The following ABCA12 variants were observed in gnomAD, a reference collection of about 807,000 sequenced individuals.
The protein encoded by ABCA12 is ATP binding cassette subfamily A member 12, also known as glucosylceramide transporter ABCA12.
A neutral mutation model predicts 293.5 loss-of-function variants in ABCA12; 156 were observed. The ratio of observed to expected loss-of-function variants is 0.53; its 90% CI spans 0.47 to 0.61. ABCA12 has a LOEUF of 0.61. Ranked by LOEUF, ABCA12 falls within the 20% of genes least tolerant of loss-of-function variation. The pLI is 0.00. For synonymous variants in ABCA12, 1,063 were observed against 1,108.0 expected, an observed-to-expected ratio of 0.96 and a Z score of 0.81; for missense variants, 2,797 against 3,090.2, an observed-to-expected ratio of 0.91 and a Z score of 2.25.
intron 2 of ABCA12, among the ~76,000 whole-genome samples, chr2:215,100,607 T>C (rs2106116512): frequency 6.6e-6 from 1 of 152,304 alleles, no homozygotes; most frequent in South Asian, 2.1e-4. Flanking sequence ...ACTTTAATTA[T>C]ATTTAATTTT....
At chr2:214,971,846 CTGTT>C (rs146298968) in intron 36 of ABCA12, among the ~76,000 whole-genome samples, 119 of 152,266 alleles carry the variant, frequency 7.8e-4, no homozygotes, top group African/African-American at 2.6e-3. Flanking sequence ...GTTTTAAAAA[CTGTT>C]TGCACAAAAT....
At chr2:215,015,734 T>C in intron 14 of ABCA12, 71 bp from the exon 15 acceptor site, 1 of 1,421,784 alleles carries the variant, frequency 7.0e-7, no homozygotes, top group Non-Finnish European at 9.9e-7. Context: ...TTGTGAGGTT[T>C]TCTGTATACT....
At chr2:215,081,495 A>AAAAAAAAAAAAAAAAAAAAAG (rs1553541627) in intron 2 of ABCA12, among the ~76,000 whole-genome samples, 3 of 127,500 alleles carry the variant, frequency 2.4e-5, no homozygotes, top group Non-Finnish European at 3.2e-5. Flanking sequence ...AAAAAAAAGA[A>AAAAAAAAAAAAAAAAAAAAAG]AAAGAAAAAA....
At chr2:214,943,853 T>A (rs1698488872) in intron 49 of ABCA12, among the ~76,000 whole-genome samples, 1 of 152,220 alleles carries the variant, frequency 6.6e-6, no homozygotes, top group East Asian at 1.9e-4. Flanking sequence ...AATGATTGGC[T>A]CCATTGTGCT....
intron 22 of ABCA12, among the ~76,000 whole-genome samples, chr2:214,999,085 AGGGAGCAGT>A (rs1036744088): frequency 1.7e-4 from 26 of 152,108 alleles, no homozygotes; most frequent in African/African-American, 5.8e-4. Context: ...TTTTTTGGTG[AGGGAGCAGT>A]GGGAGTTGAG....
chr2:214,981,158 AT>A (rs796301196), intron 30 of ABCA12, among the ~76,000 whole-genome samples: 8 of 151,574 alleles, frequency 5.3e-5, no homozygotes, highest in African/African-American at 7.3e-5. Flanking sequence ...ATTTGGACGC[AT>A]TTTTTTTCAT....
Position 214,994,115 on chromosome 2 carries a change from A to G in ABCA12, c.3295-3084T>C, listed in dbSNP as rs111326556. Among the ~76,000 whole-genome samples the G allele has an allele frequency of 1.8e-3, 271 of 152,238 alleles. 1 individual carries two copies. Among genetic ancestry groups the G allele is most frequent in the African/African-American group, 6.1e-3 (252 of 41,544 alleles). On this transcript the variant is annotated intron_variant, in intron 23 of 52. Transcript: ENST00000272895. ...GAAAACAGCTGCTATTCATAAAGAGAAAGACCAGTGAGAGCATATAAGTCA... is the reference window on the plus strand; with the variant it reads ...GAAAACAGCTGCTATTCATAAAGAGGAAGACCAGTGAGAGCATATAAGTCA...
At position 215,049,725 on chromosome 2, in the gene ABCA12, A is replaced by G; in HGVS notation, c.594T>C (p.Ser198=). The G allele has an allele frequency of 6.2e-7, 1 of 1,613,718 alleles. No homozygotes were observed. Among genetic ancestry groups the G allele is most frequent in the South Asian group, 1.1e-5 (1 of 91,078 alleles). ...AAACATTTCTTCCTAGAAAGGTCCA[A>G]GAGAAGGCATCATCCACAATGTATC... ...YSGYIVDDAF[S]WTFLGRNVFN... The change falls in exon 6 of 53, where the codon TCT becomes TCC. Residue 198 remains serine (S), a synonymous_variant. Coordinates refer to ENST00000272895, the MANE Select transcript of ABCA12 (RefSeq NM_173076.3).
At chr2:215,060,993 T>A in intron 3 of ABCA12, among the ~76,000 whole-genome samples, 1 of 151,978 alleles carries the variant, frequency 6.6e-6, no homozygotes, top group Admixed American at 6.6e-5. Context: ...CTTCTCCAAA[T>A]AATGACCCTG....
chr2:214,979,197 T>C (rs190455289), intron 31 of ABCA12, among the ~76,000 whole-genome samples, 157 bp from the exon 32 acceptor site: 3 of 152,052 alleles, frequency 2.0e-5, no homozygotes, highest in Admixed American at 2.0e-4. Flanking sequence ...GCCACTTGGG[T>C]CCCTATTCTA....
intron 17 of ABCA12, 78 bp downstream of exon 17, chr2:215,011,361 T>C (rs1700367433): frequency 1.8e-6 from 2 of 1,122,974 alleles, no homozygotes; most frequent in Non-Finnish European, 2.6e-6. Context: ...TCATTTATCA[T>C]AAAAAACTAA....
At chr2:215,093,225 T>C (rs776488804) in intron 2 of ABCA12, among the ~76,000 whole-genome samples, 2 of 152,224 alleles carry the variant, frequency 1.3e-5, no homozygotes, top group Admixed American at 6.5e-5. Context: ...CTGCTGATCA[T>C]GTCCGGCTAA....
At chr2:214,939,875 G>A (rs1013017863) in intron 50 of ABCA12, among the ~76,000 whole-genome samples, 11 of 152,112 alleles carry the variant, frequency 7.2e-5, no homozygotes, top group Non-Finnish European at 1.5e-4. Context: ...GAGAAGATGG[G>A]GTTTTCTAAA....
intron 2 of ABCA12, among the ~76,000 whole-genome samples, chr2:215,067,183 G>A (rs1427096353): frequency 1.3e-5 from 2 of 152,056 alleles, no homozygotes; most frequent in Admixed American, 6.6e-5. Flanking sequence ...TGACTTCAGC[G>A]CATTCTATCC....
At position 214,945,123 on chromosome 2, in the gene ABCA12, C is replaced by CAAA; in HGVS notation, c.7240-22_7240-20dup. The stretch of plus-strand genomic sequence containing the variant: ...GCTCATCCTTAATAGAAAGTTACAA[C>CAAA]AAAAATTTATCAAATTAATTAATTT... On this transcript the variant is annotated intron_variant, in intron 48 of 52. Coordinates refer to ENST00000272895, the MANE Select transcript of ABCA12 (RefSeq NM_173076.3). The CAAA allele has an allele frequency of 6.3e-7, 1 of 1,591,754 alleles. No homozygotes were observed. The highest frequency in any genetic ancestry group is 8.6e-7 in the Non-Finnish European group (1 of 1,162,334).
intron 4 of ABCA12, among the ~76,000 whole-genome samples, chr2:215,054,211 G>A (rs958488947): frequency 6.6e-6 from 1 of 151,968 alleles, no homozygotes; most frequent in African/African-American, 2.4e-5. Context: ...GGAAAATCTG[G>A]ACAAACCTCT....
At chr2:215,047,974 GAAA>G (rs755752019) in intron 6 of ABCA12, among the ~76,000 whole-genome samples, 2 of 136,328 alleles carry the variant, frequency 1.5e-5, no homozygotes, top group African/African-American at 5.1e-5. Context: ...AAATTTACAA[GAAA>G]AAAAAAAAAC....
At chr2:215,023,522 C>G (rs1307405677) in intron 11 of ABCA12, 2 of 152,168 alleles carry the variant, frequency 1.3e-5, no homozygotes, top group African/African-American at 4.8e-5. Flanking sequence ...AGCCCCAGTC[C>G]CATCCTATTA....
At chr2:214,971,697 A>G (rs946102998) in intron 36 of ABCA12, among the ~76,000 whole-genome samples, 1 of 152,166 alleles carries the variant, frequency 6.6e-6, no homozygotes, top group Admixed American at 6.6e-5. Flanking sequence ...TTTATATACT[A>G]CTGTGGAAAT....
Sources: gnomAD v4.1 joint callset for allele counts (sites outside exome capture counted in the v4.1 genomes callset) on GRCh38, gnomAD v4.1.1 for gene constraint, MANE v1.5 for transcripts, NCBI Gene and HGNC (gene_info 2026-07-23, HGNC 2026-07-21) for gene names.